Variants in SHQ1 observed in about 807,000 individuals in gnomAD.
SHQ1 encodes the protein protein SHQ1 homolog.
SHQ1 carries 49 observed loss-of-function variants against 53.8 expected under a neutral mutation model. The ratio of observed to expected loss-of-function variants is 0.91; its 90% CI spans 0.72 to 1.16. The LOEUF (loss-of-function observed/expected upper bound fraction) is 1.16, where lower values mean the gene tolerates loss of function less well. Among genes scored for constraint, SHQ1 ranks in the 50% most tolerant of loss-of-function variants. SHQ1 has a pLI of 0.00. For synonymous variants in SHQ1, 243 were observed against 251.0 expected, an observed-to-expected ratio of 0.97 and a Z score of 0.30; for missense variants, 738 against 683.1, an observed-to-expected ratio of 1.08 and a Z score of -0.90.
intron 9 of SHQ1, among the ~76,000 whole-genome samples, chr3:72,808,689 T>C (rs1011309081): frequency 6.6e-6 from 1 of 152,128 alleles, no homozygotes; most frequent in African/African-American, 2.4e-5. Context: ...ATTTAAATTA[T>C]GGGGTGTCCG....
chr3:72,836,084 G>A (rs966960682), intron 4 of SHQ1, among the ~76,000 whole-genome samples: 1 of 152,146 alleles, frequency 6.6e-6, no homozygotes, highest in African/African-American at 2.4e-5. Flanking sequence ...AGTGCTAGAG[G>A]GCCTGCTATG....
the SHQ1 span, among the ~76,000 whole-genome samples, chr3:72,725,972 A>G: frequency 6.6e-6 from 1 of 152,264 alleles, no homozygotes; most frequent in South Asian, 2.1e-4. Flanking sequence ...TGTGAGGGCT[A>G]ATAACGTAAT....
chr3:72,840,995 TC>T, intron 4 of SHQ1, 49 bp downstream of exon 4: 1 of 1,552,008 alleles, frequency 6.4e-7, no homozygotes, highest in African/African-American at 1.4e-5. Context: ...AATTAAAATA[TC>T]CAAATGGAAA....
downstream of SHQ1, among the ~76,000 whole-genome samples, chr3:72,745,469 T>C (rs1245208836): frequency 6.6e-6 from 1 of 152,150 alleles, no homozygotes; most frequent in Non-Finnish European, 1.5e-5. Flanking sequence ...GAAAAATAGG[T>C]CAATGATAAT....
intron 10 of SHQ1, chr3:72,773,267 A>G (rs1705892707): frequency 3.0e-6 from 2 of 668,526 alleles, no homozygotes; most frequent in African/African-American, 1.8e-5. Context: ...AAGAGACAAG[A>G]AAGAGAAAGG....
rs963267717 is a variant in SHQ1 at position 72,792,818 on chromosome 3, T to C, written c.1181+98A>G. The C allele has an allele frequency of 6.0e-5, 26 of 434,454 alleles. 1 individual carries two copies. The highest frequency in any genetic ancestry group is 9.3e-5 in the Non-Finnish European group (22 of 236,844). The allele number at this position is 434,454 out of a possible 1,614,324, so 26.9% of individuals were successfully genotyped here. A position where few individuals can be genotyped will look rare whatever the true frequency, so the allele number is the denominator to read the frequency against. Reference sequence around the variant, plus strand: ...AAAAAAAAAAAAAAAAAAACACAACTTACTCCTCAGGTTATTTCGTTTTCT... The same window carrying C: ...AAAAAAAAAAAAAAAAAAACACAACCTACTCCTCAGGTTATTTCGTTTTCT... On this transcript the variant is annotated intron_variant, in intron 10 of 10. Coordinates refer to ENST00000325599, the MANE Select transcript of SHQ1 (RefSeq NM_018130.3).
At chr3:72,846,934 C>T (rs1259880893) in intron 1 of SHQ1, among the ~76,000 whole-genome samples, 1 of 152,210 alleles carries the variant, frequency 6.6e-6, no homozygotes, top group African/African-American at 2.4e-5. Flanking sequence ...TTCTTCACAT[C>T]TTGGCTTAAA....
At chr3:72,751,535 T>TATATATATATATATATACAC (rs1444853961) in intron 10 of SHQ1, among the ~76,000 whole-genome samples, 1 of 139,972 alleles carries the variant, frequency 7.1e-6, no homozygotes, top group African/African-American at 3.0e-5. Context: ...TATATACATA[T>TATATATATATATATATACAC]ACATACACTA....
the SHQ1 span, among the ~76,000 whole-genome samples, chr3:72,741,295 G>C: frequency 9.2e-5 from 14 of 152,150 alleles, no homozygotes; most frequent in Non-Finnish European, 1.8e-4. Flanking sequence ...TACAGAAGGA[G>C]TGAGAGGAGG....
intron 10 of SHQ1, among the ~76,000 whole-genome samples, chr3:72,763,059 A>T (rs949550764): frequency 3.3e-5 from 3 of 89,570 alleles, no homozygotes; most frequent in African/African-American, 1.2e-4. Context: ...ACACACACAC[A>T]CACAGAGAGA....
intron 10 of SHQ1, among the ~76,000 whole-genome samples, chr3:72,780,936 T>G (rs2322611): frequency 0.22 from 33,503 of 152,130 alleles, 3,914 homozygotes; most frequent in Non-Finnish European, 0.25. Flanking sequence ...TCTGAGTAAC[T>G]GGGATTACAG....
chr3:72,844,590 C>G, intron 1 of SHQ1, 167 bp from the exon 2 acceptor site: 1 of 673,426 alleles, frequency 1.5e-6, no homozygotes, highest in Non-Finnish European at 2.7e-6. Context: ...TTTCCCCAAC[C>G]AAGAAAGTAG....
In SHQ1 at chr3:72,841,482, A is replaced by T. The variant is rs182641338; in HGVS notation, c.332-283T>A. ...AATAATGTTAAGTGAAAGCAGCCAG[A>T]CAAAAAGAACACATACTGTATGATC... On this transcript the variant is annotated intron_variant, in intron 3 of 10. Transcript: ENST00000325599. Among the ~76,000 whole-genome samples, 46 of 152,306 alleles carry T rather than the reference A, an allele frequency of 3.0e-4. 1 individual carries two copies. In the East Asian group the frequency reaches 7.1e-3, roughly 24 times the overall value.
chr3:72,739,207 A>G, the SHQ1 span, among the ~76,000 whole-genome samples: 37 of 152,170 alleles, frequency 2.4e-4, no homozygotes, highest in African/African-American at 6.8e-4. Context: ...TGGTTTGTGT[A>G]CAAACGAAGC....
chr3:72,777,386 A>G (rs1011088827), intron 10 of SHQ1, among the ~76,000 whole-genome samples: 4 of 152,242 alleles, frequency 2.6e-5, no homozygotes, highest in African/African-American at 9.6e-5. Context: ...CAGGGGATAC[A>G]ATAGACAGAC....
rs555086403 is a variant in SHQ1 at position 72,796,101 on chromosome 3, CAAAA to C, written c.1061-3069_1061-3066del. Among the ~76,000 whole-genome samples, 4 of 40,528 alleles carry C rather than the reference CAAAA, an allele frequency of 9.9e-5. No homozygotes were observed. In the South Asian group the frequency reaches 3.5e-3, roughly 36 times the overall value. 26.6% of individuals were successfully genotyped at this position (40,528 alleles called of 152,430 possible). A position where few individuals can be genotyped will look rare whatever the true frequency, so the allele number is the denominator to read the frequency against. On this transcript the variant is annotated intron_variant, in intron 9 of 10. Transcript: ENST00000325599. ...TAGGTGACAGAGTGAGACTCCATCT[CAAAA>C]AAAAAAAAAAAAAAAAAAAGAAAGA... is the stretch of plus-strand genomic sequence containing the variant.
chr3:72,748,515 A>G (rs1400685281), downstream of SHQ1, among the ~76,000 whole-genome samples: 3 of 151,746 alleles, frequency 2.0e-5, no homozygotes, highest in African/African-American at 7.3e-5. Flanking sequence ...ACATGGCAAA[A>G]CCCCGTCTCT....
chr3:72,742,310 A>G, the SHQ1 span, among the ~76,000 whole-genome samples: 1 of 152,192 alleles, frequency 6.6e-6, no homozygotes, highest in Non-Finnish European at 1.5e-5. Context: ...CTAGGCATCC[A>G]TGCTTAGCAA....
chr3:72,755,071 G>A lies in SHQ1; in HGVS notation c.1182-4235C>T, dbSNP rs79497828. On this transcript the variant is annotated intron_variant, in intron 10 of 10. Transcript: ENST00000325599. ...CTCAGAAAGCATACCCCACACACAGGGGGACTGAAAGTAACAAGTGTAACA... is the reference window on the plus strand; with the variant it reads ...CTCAGAAAGCATACCCCACACACAGAGGGACTGAAAGTAACAAGTGTAACA... 3.7e-3 allele frequency among the ~76,000 whole-genome samples: 565 copies of A among 152,222 alleles called. 18 individuals carry two copies. The East Asian group carries it at 0.047, about 13-fold the overall frequency.
Sources: gnomAD v4.1 joint callset for allele counts (sites outside exome capture counted in the v4.1 genomes callset) on GRCh38, gnomAD v4.1.1 for gene constraint, MANE v1.5 for transcripts, NCBI Gene and HGNC (gene_info 2026-07-23, HGNC 2026-07-21) for gene names.